PFKFB1: variants seen among roughly 807,000 people sequenced by gnomAD.
PFKFB1 encodes 6-phosphofructo-2-kinase/fructose-2,6-bisphosphatase 1.
Under a neutral mutation model 46.4 loss-of-function variants are expected in PFKFB1, and 34 were observed. The ratio of observed to expected loss-of-function variants is 0.73; its 90% CI spans 0.56 to 0.98. PFKFB1 has a LOEUF of 0.98. PFKFB1 is among the 50% of genes least tolerant of loss of function. The pLI is 0.00. For synonymous variants in PFKFB1, 119 were observed against 133.8 expected, an observed-to-expected ratio of 0.89 and a Z score of 0.76; for missense variants, 393 against 376.3, an observed-to-expected ratio of 1.04 and a Z score of -0.37.
chrX:54,973,196 T>C (rs1465645291), intron 1 of PFKFB1, among the ~76,000 whole-genome samples: 1 of 111,657 alleles, frequency 9.0e-6, no homozygotes, highest in African/African-American at 3.3e-5. Context: ...ATCCCCTTTA[T>C]CATTTTTTAT....
intron 1 of PFKFB1, among the ~76,000 whole-genome samples, chrX:54,980,318 T>TAC (rs35051444): frequency 0.047 from 4,986 of 106,158 alleles, 219 homozygotes; most frequent in African/African-American, 0.13. Flanking sequence ...TGATTTAACA[T>TAC]ACACACACAC....
chrX:54,955,786 C>T (rs1302783914), intron 7 of PFKFB1, among the ~76,000 whole-genome samples: 1 of 112,181 alleles, frequency 8.9e-6, no homozygotes, highest in Non-Finnish European at 1.9e-5. Context: ...GCCTCCTTTA[C>T]AGGAGTCCTA....
chrX:54,976,336 C>T (rs1198356121), intron 1 of PFKFB1, among the ~76,000 whole-genome samples: 2 of 111,288 alleles, frequency 1.8e-5, no homozygotes, highest in African/African-American at 6.5e-5. Flanking sequence ...ACAAACATTT[C>T]ACCAACCCAA....
chrX:54,935,876 C>G (rs905056113), intron 11 of PFKFB1, among the ~76,000 whole-genome samples: 1 of 111,561 alleles, frequency 9.0e-6, no homozygotes, highest in Non-Finnish European at 1.9e-5. Context: ...CTACCCATTT[C>G]CCTTCATTTT....
At chrX:54,984,912 T>C (rs1935077041) in intron 1 of PFKFB1, among the ~76,000 whole-genome samples, 1 of 110,600 alleles carries the variant, frequency 9.0e-6, no homozygotes, top group South Asian at 3.8e-4. Flanking sequence ...ATTACCCTCA[T>C]TCCATCTTGC....
chrX:54,972,316 T>G (rs1271257039), intron 1 of PFKFB1, among the ~76,000 whole-genome samples: 3 of 109,144 alleles, frequency 2.7e-5, no homozygotes, highest in Non-Finnish European at 5.7e-5. Context: ...TTTTCCTAAT[T>G]GAATACCCTT....
At chrX:54,959,206 G>A (rs1934241485) in intron 4 of PFKFB1, among the ~76,000 whole-genome samples, 1 of 110,388 alleles carries the variant, frequency 9.1e-6, no homozygotes, top group African/African-American at 3.3e-5. Flanking sequence ...GGTAACTGAG[G>A]CCTAGAAGAA....
At position 54,960,888 on chromosome X, in the gene PFKFB1, C is replaced by T. The variant is rs753670363; in HGVS notation, c.253G>A (p.Ala85Thr). ...VFNLGQYRRE[A>T]VSYKNYEFFL... is the part of the protein sequence containing the mutation. ...AATTCATAGTTCTTGTAGCTCACTG[C>T]CTCTCGTCGATACTGGCCTAAATTA... Residue 85 changes from alanine (A) to threonine (T), a missense_variant, in exon 3 of 14, where the codon GCA becomes ACA. Ala to Thr is a moderately conservative substitution (Grantham distance 58). Coordinates refer to ENST00000375006, the MANE Select transcript of PFKFB1 (RefSeq NM_002625.4). 3.0e-5 allele frequency: 36 copies of T among 1,189,716 alleles called. No individual in the cohort carries two copies. Among genetic ancestry groups the T allele is most frequent in the Middle Eastern group, 2.3e-4 (1 of 4,268 alleles).
At chrX:54,947,500 A>G (rs1324538712) in intron 9 of PFKFB1, among the ~76,000 whole-genome samples, 1 of 112,337 alleles carries the variant, frequency 8.9e-6, no homozygotes. Flanking sequence ...GCTTGCATAT[A>G]TTTTACAGCA....
intron 7 of PFKFB1, 79 bp downstream of exon 7, chrX:54,956,074 G>C: frequency 1.6e-6 from 1 of 611,613 alleles, no homozygotes; most frequent in Admixed American, 3.3e-5. Context: ...CAGCAAGGGA[G>C]GATATTTACT....
intron 1 of PFKFB1, among the ~76,000 whole-genome samples, chrX:54,986,772 A>G (rs751173550): frequency 6.2e-5 from 7 of 112,035 alleles, no homozygotes; most frequent in South Asian, 3.7e-4. Flanking sequence ...AAGAGAGACA[A>G]TATTCTAGGC....
At chrX:54,994,997 C>A, upstream of PFKFB1, 1 of 252,282 alleles carries the variant, frequency 4.0e-6, no homozygotes, top group Non-Finnish European at 5.5e-6. Flanking sequence ...TTCCTCATGC[C>A]AAGCTATTAG....
At chrX:54,964,961 T>C (rs758752413) in intron 1 of PFKFB1, among the ~76,000 whole-genome samples, 6 of 110,618 alleles carry the variant, frequency 5.4e-5, no homozygotes, top group Non-Finnish European at 1.1e-4. Flanking sequence ...AACTTGAAGA[T>C]AGGTCAATAG....
At chrX:54,987,987 C>T (rs751212930) in intron 1 of PFKFB1, among the ~76,000 whole-genome samples, 1 of 110,524 alleles carries the variant, frequency 9.0e-6, no homozygotes, top group East Asian at 2.8e-4. Flanking sequence ...AGGTTATAGC[C>T]AAGGTAATTA....
upstream of PFKFB1, chrX:54,998,335 T>C: frequency 1.0e-6 from 1 of 980,955 alleles, no homozygotes; most frequent in Non-Finnish European, 1.4e-6. Flanking sequence ...CAAAGAAAAC[T>C]TTCCAGAGGG....
chrX:54,940,418 AG>A (rs1933579086), intron 10 of PFKFB1, among the ~76,000 whole-genome samples: 1 of 111,782 alleles, frequency 8.9e-6, no homozygotes, highest in Non-Finnish European at 1.9e-5. Context: ...AGAGAAATAA[AG>A]GGCATTCAAT....
At chrX:54,945,404 T>C in intron 10 of PFKFB1, 35 bp downstream of exon 10, 1 of 786,738 alleles carries the variant, frequency 1.3e-6, no homozygotes, top group Non-Finnish European at 1.9e-6. Flanking sequence ...CACTGGGGAG[T>C]AGTCCTAGGC....
At chrX:54,937,527 TATCTA>T in intron 11 of PFKFB1, 63 bp downstream of exon 11, 1 of 994,507 alleles carries the variant, frequency 1.0e-6, no homozygotes, top group African/African-American at 1.9e-5. Context: ...AAGATATAGA[TATCTA>T]ATTGTTGGTG....
chrX:54,937,793 T>C (rs772196787), intron 10 of PFKFB1, 69 bp from the exon 11 acceptor site: 2 of 1,007,825 alleles, frequency 2.0e-6, no homozygotes, highest in Middle Eastern at 3.2e-4. Flanking sequence ...GGAAGAACTC[T>C]AAACTAGGAA....
Sources: allele counts gnomAD v4.1 joint callset (sites outside exome capture counted in the v4.1 genomes callset), GRCh38; gene constraint gnomAD v4.1.1; transcripts MANE v1.5; gene names NCBI Gene and HGNC (gene_info 2026-07-23, HGNC 2026-07-21).